Variants in NFATC2 observed in about 807,000 individuals in gnomAD.
The protein encoded by NFATC2 is nuclear factor of activated T cells 2.
Under a neutral mutation model 87.3 loss-of-function variants are expected in NFATC2, and 22 were observed. That is an observed-to-expected ratio of 0.25 (90% CI 0.18 to 0.36). The LOEUF (loss-of-function observed/expected upper bound fraction) is 0.36, where lower values mean the gene tolerates loss of function less well. NFATC2 is among the 10% of genes least tolerant of loss of function. The pLI, the probability that NFATC2 is intolerant of heterozygous loss-of-function variation, is 1.00. For missense variants in NFATC2, 1,149 were observed against 1,259.1 expected, an observed-to-expected ratio of 0.91 and a Z score of 1.32; for synonymous variants, 565 against 542.2, an observed-to-expected ratio of 1.04 and a Z score of -0.58.
chr20:51,517,378 C>T (rs1388420288), intron 2 of NFATC2, among the ~76,000 whole-genome samples: 1 of 151,910 alleles, frequency 6.6e-6, no homozygotes, highest in African/African-American at 2.4e-5. Context: ...CACTTAAGCC[C>T]AAGAATTTGA....
rs191548100 is a variant in NFATC2, at chr20:51,412,607, C to A, written c.2723-13877G>T. Among the ~76,000 whole-genome samples, 530 of 152,244 alleles carry A rather than the reference C, an allele frequency of 3.5e-3. 4 individuals are homozygous for A. The highest frequency in any genetic ancestry group is 0.012 in the African/African-American group (479 of 41,540). ...GGCCCCGCTGGCCTGGTCGGGAGCA[C>A]CCTGGCCAGGCCAGGATGCAAACAC... On this transcript the variant is annotated intron_variant, in intron 9 of 10. Transcript: ENST00000371564.
At chr20:51,431,343 G>C (rs904041101) in intron 9 of NFATC2, among the ~76,000 whole-genome samples, 5 of 152,054 alleles carry the variant, frequency 3.3e-5, no homozygotes, top group African/African-American at 1.2e-4. Context: ...TGAGATCCTG[G>C]ACCAACACCT....
At chr20:51,476,678 G>T (rs572256985) in intron 3 of NFATC2, among the ~76,000 whole-genome samples, 84 of 152,290 alleles carry the variant, frequency 5.5e-4, no homozygotes, top group African/African-American at 1.9e-3. Context: ...AGCACCTAGA[G>T]TAACGCTTGG....
intron 9 of NFATC2, among the ~76,000 whole-genome samples, chr20:51,399,895 T>TAACCCAGACCATCACTCCTGAATTTCA (rs2146233903): frequency 6.6e-6 from 1 of 152,320 alleles, no homozygotes; most frequent in Admixed American, 6.5e-5. Flanking sequence ...TTAATGTTTT[T>TAACCCAGACCATCACTCCTGAATTTCA]AACCCAGACC....
chr20:51,416,457 C>G lies in NFATC2; in HGVS notation c.2722+15610G>C, dbSNP rs903297445. ...ACTCTGTCTGGCTGAAGGGGCTGCT[C>G]CCTCAAACAGGAAGCCATGATGAAG... On this transcript the variant is annotated intron_variant, in intron 9 of 10. Coordinates refer to ENST00000371564, the MANE Select transcript of NFATC2 (RefSeq NM_012340.5). 6.6e-5 allele frequency among the ~76,000 whole-genome samples: 10 copies of G among 152,158 alleles called. 1 individual carries two copies. The highest frequency in any genetic ancestry group is 4.6e-4 in the Admixed American group (7 of 15,284).
intron 10 of NFATC2, among the ~76,000 whole-genome samples, chr20:51,392,830 A>C (rs1986521775): frequency 6.6e-6 from 1 of 152,320 alleles, no homozygotes; most frequent in South Asian, 2.1e-4. Context: ...TTTTCGCTGG[A>C]AAACCCCTGC....
At chr20:51,447,149 C>A (rs1600750734) in intron 6 of NFATC2, among the ~76,000 whole-genome samples, 1 of 152,082 alleles carries the variant, frequency 6.6e-6, no homozygotes. Flanking sequence ...AAAATACAAC[C>A]TTTGGGGACC....
At chr20:51,532,194 G>A (rs1464583685) in intron 1 of NFATC2, among the ~76,000 whole-genome samples, 1 of 152,160 alleles carries the variant, frequency 6.6e-6, no homozygotes, top group Non-Finnish European at 1.5e-5. Flanking sequence ...CTATGAAGCA[G>A]CTGATATCGT....
chr20:51,391,492 C>T, intron 10 of NFATC2, 41 bp from the exon 11 acceptor site: 1 of 1,591,944 alleles, frequency 6.3e-7, no homozygotes. Context: ...GAGAATGGGG[C>T]AAGTGAGAGG....
At chr20:51,552,673 G>C (rs1543380) in intron 1 of NFATC2, among the ~76,000 whole-genome samples, 1 of 151,878 alleles carries the variant, frequency 6.6e-6, no homozygotes, top group Non-Finnish European at 1.5e-5. Context: ...CAAATCAACG[G>C]GTGGACTGTA....
intron 5 of NFATC2, among the ~76,000 whole-genome samples, chr20:51,457,121 C>A (rs948836082): frequency 2.6e-5 from 4 of 152,268 alleles, no homozygotes; most frequent in South Asian, 2.1e-4. Context: ...GGTTATTAAT[C>A]CTTTCTTTCA....
In NFATC2 at chr20:51,481,929, A is replaced by G. The variant is rs146418778; in HGVS notation, c.1333-6269T>C. ...TGCAAACATAGCTAATGTAATCTCC[A>G]TAACAATGCTCAGAGAAGAGCAGTG... On this transcript the variant is annotated intron_variant, in intron 3 of 10. Transcript: ENST00000371564. 3.3e-3 allele frequency among the ~76,000 whole-genome samples: 502 copies of G among 152,314 alleles called. 4 individuals carry two copies. Among genetic ancestry groups the G allele is most frequent in the African/African-American group, 0.012 (485 of 41,556 alleles).
At chr20:51,487,618 GA>G (rs1186633411) in intron 3 of NFATC2, among the ~76,000 whole-genome samples, 1 of 152,198 alleles carries the variant, frequency 6.6e-6, no homozygotes, top group African/African-American at 2.4e-5. Flanking sequence ...AGCCACAGCT[GA>G]AAAAGAACCC....
At chr20:51,411,977 C>T (rs557436622) in intron 9 of NFATC2, among the ~76,000 whole-genome samples, 6 of 152,242 alleles carry the variant, frequency 3.9e-5, no homozygotes, top group African/African-American at 1.4e-4. Flanking sequence ...GAAAACATCA[C>T]TATTAAGAGC....
intron 1 of NFATC2, among the ~76,000 whole-genome samples, chr20:51,532,585 C>T (rs2076652300): frequency 6.6e-6 from 1 of 152,180 alleles, no homozygotes; most frequent in Admixed American, 6.5e-5. Flanking sequence ...CACAGTGGTC[C>T]CCGCCAGCGC....
intron 6 of NFATC2, among the ~76,000 whole-genome samples, chr20:51,442,649 A>G (rs1984508631): frequency 6.6e-6 from 1 of 151,846 alleles, no homozygotes; most frequent in Admixed American, 6.6e-5. Flanking sequence ...TTCAAGAAAC[A>G]TGTAACATCA....
chr20:51,551,285 T>C (rs1214624728), intron 1 of NFATC2, among the ~76,000 whole-genome samples: 1 of 152,220 alleles, frequency 6.6e-6, no homozygotes, highest in African/African-American at 2.4e-5. Flanking sequence ...AAATCCTCGC[T>C]GAACAAGCTA....
intron 9 of NFATC2, among the ~76,000 whole-genome samples, chr20:51,430,298 G>A (rs1982503774): frequency 6.6e-6 from 1 of 152,178 alleles, no homozygotes. Context: ...GCCTCACGTG[G>A]AGAGGGATCT....
chr20:51,526,253 A>C (rs2076544363), intron 1 of NFATC2, among the ~76,000 whole-genome samples: 1 of 152,144 alleles, frequency 6.6e-6, no homozygotes, highest in African/African-American at 2.4e-5. Flanking sequence ...CCCATGGGCC[A>C]AATGCGGCCC....
Sources: allele counts gnomAD v4.1 joint callset (sites outside exome capture counted in the v4.1 genomes callset), GRCh38; gene constraint gnomAD v4.1.1; transcripts MANE v1.5; gene names NCBI Gene and HGNC (gene_info 2026-07-23, HGNC 2026-07-21).